Variants in ADPRM observed in about 807,000 individuals in gnomAD.
ADPRM encodes ADP-ribose/CDP-alcohol diphosphatase, manganese dependent, also known as manganese-dependent ADP-ribose/CDP-alcohol diphosphatase.
Under a neutral mutation model 27.2 loss-of-function variants are expected in ADPRM, and 17 were observed. The ratio of observed to expected loss-of-function variants is 0.63; its 90% CI spans 0.43 to 0.94. ADPRM has a LOEUF of 0.94. ADPRM is among the 40% of genes least tolerant of loss of function. ADPRM has a pLI of 0.00. For missense variants in ADPRM, 337 were observed against 412.8 expected, an observed-to-expected ratio of 0.82 and a Z score of 1.59; for synonymous variants, 135 against 145.3, an observed-to-expected ratio of 0.93 and a Z score of 0.51.
chr17:10,699,361 A>G (rs1447307122), intron 1 of ADPRM: 4 of 152,164 alleles, frequency 2.6e-5, no homozygotes, highest in African/African-American at 9.7e-5. Context: ...GTAACACCTG[A>G]GCCTGATGGC....
intron 1 of ADPRM, among the ~76,000 whole-genome samples, chr17:10,701,983 T>C (rs1474783249): frequency 6.6e-6 from 1 of 152,188 alleles, no homozygotes; most frequent in Admixed American, 6.5e-5. Context: ...TATCTTTCCC[T>C]GAATATGTTT....
At chr17:10,706,039 G>T in intron 2 of ADPRM, 1 of 198,292 alleles carries the variant, frequency 5.0e-6, no homozygotes. Context: ...GAATGAATGG[G>T]CATAGGGAGT....
At chr17:10,710,308 T>C (rs948531007) in intron 3 of ADPRM, among the ~76,000 whole-genome samples, 4 of 152,290 alleles carry the variant, frequency 2.6e-5, no homozygotes, top group Non-Finnish European at 2.9e-5. Context: ...CACCATGTTG[T>C]CCAGGCTGGT....
chr17:10,708,800 A>T (rs550309218), intron 3 of ADPRM, among the ~76,000 whole-genome samples: 2 of 152,352 alleles, frequency 1.3e-5, no homozygotes, highest in South Asian at 4.1e-4. Flanking sequence ...AAAGATAAGG[A>T]AACTGAAGCC....
At chr17:10,701,048 C>G (rs1322207310) in intron 1 of ADPRM, among the ~76,000 whole-genome samples, 1 of 152,122 alleles carries the variant, frequency 6.6e-6, no homozygotes, top group East Asian at 1.9e-4. Flanking sequence ...TCAGTTGAAG[C>G]TCACGATAAC....
rs2151465678 is a variant in ADPRM, at chr17:10,711,117, CAAGA to C, written c.1011_1014del (p.Arg338ProfsTer22). The C allele has an allele frequency of 6.2e-7, 1 of 1,609,590 alleles. No individual in the cohort carries two copies. Among genetic ancestry groups the C allele is most frequent in the Non-Finnish European group, 8.5e-7 (1 of 1,176,462 alleles). ...GAGTTCCAGATAGAATTATGAATTACAAGAAAGAAAGAGCCTTCCATTGTTAGTC... is the reference window on the plus strand; with the variant it reads ...GAGTTCCAGATAGAATTATGAATTACAAGAAAGAGCCTTCCATTGTTAGTC... On this transcript the variant is annotated frameshift_variant, in exon 4 of 4. Coordinates refer to ENST00000379774, the MANE Select transcript of ADPRM (RefSeq NM_020233.5). LOFTEE classifies it high-confidence loss of function.
In ADPRM at chr17:10,697,601, C is replaced by T; in HGVS notation, c.-84C>T. 6.7e-7 allele frequency: 1 copy of T among 1,492,228 alleles called. No homozygotes were observed. Among genetic ancestry groups the T allele is most frequent in the Non-Finnish European group, 9.2e-7 (1 of 1,083,000 alleles). 92.4% of individuals were successfully genotyped at this position (1,492,228 alleles called of 1,614,324 possible). On this transcript the variant is annotated 5_prime_UTR_variant, in exon 1 of 4. Coordinates refer to ENST00000379774, the MANE Select transcript of ADPRM (RefSeq NM_020233.5). The stretch of plus-strand genomic sequence containing the variant: ...GTCGGAAGGAGTCGCTCTGTCCGTC[C>T]CGCTCGTTGGTGGCGCTGTTACATA...
intron 3 of ADPRM, 125 bp from the exon 4 acceptor site, chr17:10,710,709 A>T (rs1424431219): frequency 2.6e-6 from 2 of 784,040 alleles, no homozygotes; most frequent in African/African-American, 1.8e-5. Flanking sequence ...CTCTGGTCTC[A>T]GTTCATTTGC....
In ADPRM at chr17:10,708,429, CAAAA is replaced by C. The variant is rs1206878055; in HGVS notation, c.718+1893_718+1896del. On this transcript the variant is annotated intron_variant, in intron 3 of 3. Transcript: ENST00000379774. The stretch of plus-strand genomic sequence containing the variant: ...GGGCAACAAGAGTGAAACTCCGTCT[CAAAA>C]AAAAAAAAAAAAAAAAACCTTTGAA... Among the ~76,000 whole-genome samples, 5 of 30,574 alleles carry C rather than the reference CAAAA, an allele frequency of 1.6e-4. 1 individual carries two copies. The highest frequency in any genetic ancestry group is 0.015 in the Middle Eastern group (1 of 66). 20.1% of individuals were successfully genotyped at this position (30,574 alleles called of 152,430 possible).
Position 10,705,108 on chromosome 17 carries a change from A to T in ADPRM, c.182A>T (p.Asn61Ile), listed in dbSNP as rs762398462. The change falls in exon 2 of 4, where the codon AAT (asparagine) becomes ATT (isoleucine). Residue 61 changes from asparagine (N) to isoleucine (I), a missense_variant. Coordinates refer to ENST00000379774, the MANE Select transcript of ADPRM (RefSeq NM_020233.5). This position sits in a 1 kb window ranked among gnomAD's most constrained non-coding sequence, Gnocchi z 5.4. ...HLQGAIEDWN[N>I]ESSMPCCVLQ... ...CAGGGTGCCATTGAAGACTGGAATA[A>T]TGAAAGCAGCATGCCCTGTTGTGTC... 6.2e-7 allele frequency: 1 copy of T among 1,614,168 alleles called. No individual in the cohort carries two copies. The highest frequency in any genetic ancestry group is 1.1e-5 in the South Asian group (1 of 91,086).
Position 10,706,080 on chromosome 17 carries a change from A to G in ADPRM, c.602-358A>G, listed in dbSNP as rs576148228. Among the ~76,000 whole-genome samples, 11 of 152,338 alleles carry G rather than the reference A, an allele frequency of 7.2e-5. No individual in the cohort carries two copies. In the South Asian group the frequency reaches 1.2e-3, roughly 17 times the overall value. On this transcript the variant is annotated intron_variant, in intron 2 of 3. Transcript: ENST00000379774. ...GACTGAGGGAAAAACCTGCAAAGGC[A>G]CTAAATGGAGTAAGACTTGAGCATT...
rs2074782974 is a variant in ADPRM, at chr17:10,702,140, A to G, written c.-17-2770A>G. ...ATTCCAAAATCTGAAAAAGTCCGAA[A>G]TCTAAAACACTTCTGGTCCCAAGCA... On this transcript the variant is annotated intron_variant, in intron 1 of 3. Coordinates refer to ENST00000379774, the MANE Select transcript of ADPRM (RefSeq NM_020233.5). The surrounding 1 kb of genome is among the most constrained non-coding windows in gnomAD (Gnocchi z 4.2). Among the ~76,000 whole-genome samples, 1 of 152,216 alleles carries G rather than the reference A, an allele frequency of 6.6e-6. No homozygotes were observed. The highest frequency in any genetic ancestry group is 2.1e-4 in the South Asian group (1 of 4,830).
chr17:10,699,052 T>G (rs1162751361), intron 1 of ADPRM: 1 of 152,200 alleles, frequency 6.6e-6, no homozygotes, highest in African/African-American at 2.4e-5. Context: ...AAGTGCTTCT[T>G]TTAGTAGCAA....
intron 2 of ADPRM, 126 bp from the exon 3 acceptor site, chr17:10,706,312 T>G (rs992092524): frequency 3.1e-6 from 2 of 635,180 alleles, no homozygotes; most frequent in Admixed American, 3.0e-5. Flanking sequence ...ATTTCCTATT[T>G]TAAGTTGATT....
intron 3 of ADPRM, among the ~76,000 whole-genome samples, chr17:10,709,037 A>G (rs2074832758): frequency 6.6e-6 from 1 of 152,222 alleles, no homozygotes; most frequent in Admixed American, 6.5e-5. Flanking sequence ...GAATGATTGA[A>G]GTTTTCTTTA....
At chr17:10,703,326 T>C (rs2074791432) in intron 1 of ADPRM, among the ~76,000 whole-genome samples, 1 of 152,048 alleles carries the variant, frequency 6.6e-6, no homozygotes, top group African/African-American at 2.4e-5. Flanking sequence ...TGATATCTAA[T>C]GAGATTTTCA....
At position 10,697,627 on chromosome 17, in the gene ADPRM, G is replaced by A. The variant is rs555822505; in HGVS notation, c.-58G>A. 52 of 1,284,352 alleles carry A rather than the reference G, an allele frequency of 4.0e-5. No homozygotes were observed. Among genetic ancestry groups the A allele is most frequent in the African/African-American group, 3.5e-4 (24 of 68,214 alleles). 79.6% of individuals were successfully genotyped at this position (1,284,352 alleles called of 1,614,324 possible). A position where few individuals can be genotyped will look rare whatever the true frequency, so the allele number is the denominator to read the frequency against. On this transcript the variant is annotated 5_prime_UTR_variant, in exon 1 of 4. Coordinates refer to ENST00000379774, the MANE Select transcript of ADPRM (RefSeq NM_020233.5). Reference sequence around the variant, plus strand: ...CGCTCGTTGGTGGCGCTGTTACATAGCCCGTAGTCAGAGGCCTTTCAGCCC... The same window carrying A: ...CGCTCGTTGGTGGCGCTGTTACATAACCCGTAGTCAGAGGCCTTTCAGCCC...
At position 10,711,275 on chromosome 17, in the gene ADPRM, G is replaced by A. The variant is rs944490453; in HGVS notation, c.*131G>A. 1 of 738,562 alleles carries A rather than the reference G, an allele frequency of 1.4e-6. No homozygotes were observed. The highest frequency in any genetic ancestry group is 2.2e-6 in the Non-Finnish European group (1 of 465,068). 45.8% of individuals were successfully genotyped at this position (738,562 alleles called of 1,614,324 possible). ...AAATGTATTTATAGTTTCAGTGTGT[G>A]ATGGTTGATAAAATACTCAGAAATG... On this transcript the variant is annotated 3_prime_UTR_variant, in exon 4 of 4. Transcript: ENST00000379774.
In ADPRM at chr17:10,704,174, T is replaced by TCAAAAACAAAAA. The variant is rs557770971; in HGVS notation, c.-17-728_-17-717dup. ...GCCTGGGCAACATAGTGAGACCCTGTCAAAAACAAAAACAAAAACCACAAA... is the reference window on the plus strand; with the variant it reads ...GCCTGGGCAACATAGTGAGACCCTGTCAAAAACAAAAACAAAAACAAAAACAAAAACCACAAA... On this transcript the variant is annotated intron_variant, in intron 1 of 3. Transcript: ENST00000379774. 3.1e-3 allele frequency among the ~76,000 whole-genome samples: 477 copies of TCAAAAACAAAAA among 151,786 alleles called. 1 individual carries two copies. Among genetic ancestry groups the TCAAAAACAAAAA allele is most frequent in the African/African-American group, 0.011 (447 of 41,126 alleles).
Sources: allele counts gnomAD v4.1 joint callset (sites outside exome capture counted in the v4.1 genomes callset), GRCh38; gene constraint gnomAD v4.1.1; non-coding constraint Gnocchi (gnomAD v3.1); transcripts MANE v1.5; gene names NCBI Gene and HGNC (gene_info 2026-07-23, HGNC 2026-07-21).